HERC1: variants seen among roughly 807,000 people sequenced by gnomAD.
The protein encoded by HERC1 is HECT and RLD domain containing E3 ubiquitin protein ligase family member 1.
Under a neutral mutation model 554.3 loss-of-function variants are expected in HERC1, and 160 were observed. That is an observed-to-expected ratio of 0.29 (90% CI 0.25 to 0.33). HERC1 has a LOEUF of 0.33. Ranked by LOEUF, HERC1 falls within the 10% of genes least tolerant of loss-of-function variation. The pLI, the probability that HERC1 is intolerant of heterozygous loss-of-function variation, is 1.00. For synonymous variants in HERC1, 2,175 were observed against 2,131.7 expected, an observed-to-expected ratio of 1.02 and a Z score of -0.56; for missense variants, 4,919 against 5,918.5, an observed-to-expected ratio of 0.83 and a Z score of 5.54.
chr15:63,795,746 C>T (rs1047003137), intron 1 of HERC1, among the ~76,000 whole-genome samples: 3 of 152,224 alleles, frequency 2.0e-5, no homozygotes, highest in Non-Finnish European at 1.5e-5. Flanking sequence ...GAGACAGGGT[C>T]ATTTATAATC....
intron 31 of HERC1, among the ~76,000 whole-genome samples, chr15:63,691,103 C>T (rs1017659964): frequency 1.1e-4 from 17 of 152,142 alleles, no homozygotes; most frequent in African/African-American, 3.1e-4. Context: ...TGCCTCTCTC[C>T]GTCCATGCAC....
chr15:63,721,055 AC>A (rs2073797298), intron 19 of HERC1, among the ~76,000 whole-genome samples: 1 of 152,036 alleles, frequency 6.6e-6, no homozygotes, highest in Non-Finnish European at 1.5e-5. Flanking sequence ...TTTAGTTCTC[AC>A]TGCAAGGTAA....
chr15:63,727,538 C>A lies in HERC1; in HGVS notation c.3346+109G>T. 1 of 666,180 alleles carries A rather than the reference C, an allele frequency of 1.5e-6. No homozygotes were observed. The highest frequency in any genetic ancestry group is 3.5e-5 in the South Asian group (1 of 28,904). 41.3% of individuals were successfully genotyped at this position (666,180 alleles called of 1,614,324 possible). On this transcript the variant is annotated intron_variant, in intron 17 of 77. Coordinates refer to ENST00000443617, the MANE Select transcript of HERC1 (RefSeq NM_003922.4). The surrounding 1 kb of genome is among the most constrained non-coding windows in gnomAD (Gnocchi z 4.3). ...TTTTAAGATTTCAGTGATGAAATTC[C>A]TTTGATAGCCTTAGGATAGATAGAC...
chr15:63,825,608 G>A (rs1038908198), intron 1 of HERC1, among the ~76,000 whole-genome samples: 1 of 152,044 alleles, frequency 6.6e-6, no homozygotes, highest in Non-Finnish European at 1.5e-5. Flanking sequence ...TTTGTAATCA[G>A]TAAAATGAAG....
At position 63,814,905 on chromosome 15, in the gene HERC1, T is replaced by C. The variant is rs79790777; in HGVS notation, c.-27+18922A>G. Among the ~76,000 whole-genome samples, 100 of 152,346 alleles carry C rather than the reference T, an allele frequency of 6.6e-4. No homozygotes were observed. The East Asian group carries it at 0.016, about 25-fold the overall frequency. On this transcript the variant is annotated intron_variant, in intron 1 of 77. Coordinates refer to ENST00000443617, the MANE Select transcript of HERC1 (RefSeq NM_003922.4). ...TTCATATGAAAGTATTTTAATGCAA[T>C]GTACTAATGTGAGCTATGATTATTA...
chr15:63,757,028 CCT>C (rs1002976351), intron 4 of HERC1, among the ~76,000 whole-genome samples: 9 of 151,958 alleles, frequency 5.9e-5, no homozygotes, highest in African/African-American at 2.2e-4. Flanking sequence ...CGCTTAATAT[CCT>C]CTTATAACTG....
chr15:63,823,949 T>C (rs978351037), intron 1 of HERC1, among the ~76,000 whole-genome samples: 12 of 152,120 alleles, frequency 7.9e-5, no homozygotes, highest in Non-Finnish European at 1.6e-4. Context: ...CACAACGCAA[T>C]AGCAAAAAAC....
chr15:63,611,172 G>C (rs781452928), intron 77 of HERC1, among the ~76,000 whole-genome samples: 29 of 152,326 alleles, frequency 1.9e-4, no homozygotes, highest in East Asian at 1.2e-3. Flanking sequence ...TGGTCTACTG[G>C]GGAGAAAGGC....
chr15:63,695,381 ATCT>A (rs1487042553), intron 27 of HERC1, among the ~76,000 whole-genome samples: 1 of 120,586 alleles, frequency 8.3e-6, no homozygotes, highest in African/African-American at 2.9e-5. Flanking sequence ...AGTCTGTATA[ATCT>A]TTTTTTTTTT....
Position 63,727,831 on chromosome 15 carries a change from T to A in HERC1, c.3162A>T (p.Ile1054=). The A allele has an allele frequency of 6.2e-7, 1 of 1,613,020 alleles. No homozygotes were observed. Among genetic ancestry groups the A allele is most frequent in the Non-Finnish European group, 8.5e-7 (1 of 1,179,160 alleles). The change falls in exon 17 of 78, where the codon ATA becomes ATT. Residue 1054 remains isoleucine, a synonymous_variant. Coordinates refer to ENST00000443617, the MANE Select transcript of HERC1 (RefSeq NM_003922.4). This position sits in a 1 kb window ranked among gnomAD's most constrained non-coding sequence, Gnocchi z 4.3. ...GCATACTGCCAGCAGCTGAGACGTA[T>A]ATCACATCTATGAAGGGCAAGAAAT... ...GSVGEKLRDV[I]YVSAAGSMLC...
chr15:63,822,795 G>A (rs116338011), intron 1 of HERC1, among the ~76,000 whole-genome samples: 3 of 152,080 alleles, frequency 2.0e-5, no homozygotes, highest in African/African-American at 7.2e-5. Context: ...GAATAAGGCA[G>A]AGATGACAAA....
intron 61 of HERC1, among the ~76,000 whole-genome samples, chr15:63,639,211 C>T (rs1426569822): frequency 6.6e-6 from 1 of 152,162 alleles, no homozygotes; most frequent in East Asian, 1.9e-4. Flanking sequence ...TTTTGTGCCA[C>T]GTGACATTTC....
Position 63,829,561 on chromosome 15 carries a change from G to GTGTGTGTA in HERC1, c.-27+4265_-27+4266insTACACACA, listed in dbSNP as rs1220043639. On this transcript the variant is annotated intron_variant, in intron 1 of 77. Transcript: ENST00000443617. ...TATATGTATGTGTGTGTGTGTGTGTGTATATATATATATATATATATATAT... is the reference window on the plus strand; with the variant it reads ...TATATGTATGTGTGTGTGTGTGTGTGTGTGTGTATATATATATATATATATATATATAT... Among the ~76,000 whole-genome samples the GTGTGTGTA allele has an allele frequency of 6.4e-3, 521 of 81,678 alleles. 5 individuals are homozygous for GTGTGTGTA. The highest frequency in any genetic ancestry group is 0.036 in the East Asian group (136 of 3,742). 53.6% of individuals were successfully genotyped at this position (81,678 alleles called of 152,430 possible).
At chr15:63,711,920 C>T (rs2153117775) in intron 24 of HERC1, among the ~76,000 whole-genome samples, 1 of 152,300 alleles carries the variant, frequency 6.6e-6, no homozygotes, top group Admixed American at 6.5e-5. Context: ...AATTGAAAAC[C>T]TAGCTACCAA....
chr15:63,811,836 G>A lies in HERC1; in HGVS notation c.-27+21991C>T, dbSNP rs868465248. Among the ~76,000 whole-genome samples, 977 of 150,016 alleles carry A rather than the reference G, an allele frequency of 6.5e-3. 6 individuals are homozygous for A. The highest frequency in any genetic ancestry group is 8.0e-3 in the Admixed American group (121 of 15,076). On this transcript the variant is annotated intron_variant, in intron 1 of 77. Transcript: ENST00000443617. ...AAAAAAAAAAAAAAAAAACAGAAAG[G>A]AAAAAACAAAGGTTATCTTTGACAA...
At chr15:63,822,197 AATAAACAAGGAGAGGGAGGCAGGG>A (rs1449315958) in intron 1 of HERC1, among the ~76,000 whole-genome samples, 2 of 152,206 alleles carry the variant, frequency 1.3e-5, no homozygotes, top group Non-Finnish European at 2.9e-5. Flanking sequence ...GCAGAAGTGG[AATAAACAAGGAGAGGGAGGCAGGG>A]ACTACATCAT....
intron 44 of HERC1, among the ~76,000 whole-genome samples, chr15:63,662,510 A>G (rs548581913): frequency 4.2e-4 from 64 of 152,344 alleles, no homozygotes; most frequent in African/African-American, 1.4e-3. Flanking sequence ...TGTATATACA[A>G]ATCCACCATG....
chr15:63,633,756 T>C, intron 67 of HERC1, 92 bp downstream of exon 67: 1 of 1,350,396 alleles, frequency 7.4e-7, no homozygotes, highest in Non-Finnish European at 1.0e-6. Flanking sequence ...CCAAAAGTAC[T>C]AAAGGTAAAT....
chr15:63,662,963 C>T, intron 44 of HERC1, 21 bp downstream of exon 44: 1 of 1,582,924 alleles, frequency 6.3e-7, no homozygotes, highest in Non-Finnish European at 8.7e-7. Context: ...TCAGAGCAGC[C>T]CCCGCTGCAG....
Sources: allele counts gnomAD v4.1 joint callset (sites outside exome capture counted in the v4.1 genomes callset), GRCh38; gene constraint gnomAD v4.1.1; non-coding constraint Gnocchi (gnomAD v3.1); transcripts MANE v1.5; gene names NCBI Gene and HGNC (gene_info 2026-07-23, HGNC 2026-07-21).